NELL1: variants seen among roughly 807,000 people sequenced by gnomAD.
NELL1 encodes the protein protein kinase C-binding protein NELL1.
A neutral mutation model predicts 107.4 loss-of-function variants in NELL1; 76 were observed. The ratio of observed to expected loss-of-function variants is 0.71; its 90% confidence interval spans 0.59 to 0.86. The LOEUF (loss-of-function observed/expected upper bound fraction) is 0.86, where lower values mean the gene tolerates loss of function less well. Among genes scored for constraint, NELL1 ranks in the 40% least tolerant of loss-of-function variants. The pLI is 0.00. For missense variants in NELL1, 1,024 were observed against 1,005.5 expected, an observed-to-expected ratio of 1.02 and a Z score of -0.25; for synonymous variants, 353 against 341.2, an observed-to-expected ratio of 1.03 and a Z score of -0.38.
intron 13 of NELL1, among the ~76,000 whole-genome samples, chr11:21,121,191 G>A (rs904860359): frequency 6.6e-6 from 1 of 152,148 alleles, no homozygotes; most frequent in Non-Finnish European, 1.5e-5. Context: ...GGAGTATGGA[G>A]AGAATATCAG....
intron 13 of NELL1, among the ~76,000 whole-genome samples, chr11:21,165,392 C>A (rs1050706087): frequency 2.0e-5 from 3 of 152,182 alleles, no homozygotes; most frequent in Non-Finnish European, 2.9e-5. Context: ...TAGGATCCAA[C>A]CTTCTGAATC....
chr11:20,843,457 A>G (rs1304128924), intron 3 of NELL1, among the ~76,000 whole-genome samples: 2 of 121,118 alleles, frequency 1.7e-5, no homozygotes, highest in African/African-American at 5.2e-5. Flanking sequence ...GCTGGATGCT[A>G]TCTAAAATTA....
intron 15 of NELL1, among the ~76,000 whole-genome samples, chr11:21,404,850 C>T (rs1278440109): frequency 6.6e-6 from 1 of 151,946 alleles, no homozygotes; most frequent in Non-Finnish European, 1.5e-5. Flanking sequence ...GGGGGCTTTC[C>T]TCAGTGGTCC....
At chr11:21,392,105 A>G (rs1426132677) in intron 15 of NELL1, among the ~76,000 whole-genome samples, 3 of 151,794 alleles carry the variant, frequency 2.0e-5, no homozygotes, top group African/African-American at 7.2e-5. Flanking sequence ...TTTAATTAAT[A>G]CCCCTGTCTC....
chr11:20,934,196 G>T (rs1850676225), intron 9 of NELL1, among the ~76,000 whole-genome samples: 1 of 152,192 alleles, frequency 6.6e-6, no homozygotes, highest in African/African-American at 2.4e-5. Flanking sequence ...AAGGAGGGCT[G>T]TTGTCAGAGA....
At chr11:20,951,405 A>T (rs1851066202) in intron 11 of NELL1, among the ~76,000 whole-genome samples, 1 of 152,020 alleles carries the variant, frequency 6.6e-6, no homozygotes, top group African/African-American at 2.4e-5. Context: ...ACATCTTTAC[A>T]TTTGATTTTT....
chr11:21,046,104 C>A (rs1385842692), intron 12 of NELL1, among the ~76,000 whole-genome samples: 1 of 152,082 alleles, frequency 6.6e-6, no homozygotes, highest in Non-Finnish European at 1.5e-5. Flanking sequence ...CATTTTAATT[C>A]ATTCTCTAAG....
At chr11:20,840,571 C>T (rs1327338181) in intron 3 of NELL1, among the ~76,000 whole-genome samples, 1 of 152,212 alleles carries the variant, frequency 6.6e-6, no homozygotes, top group Non-Finnish European at 1.5e-5. Flanking sequence ...CTACATGCCA[C>T]CTCCCCAGTA....
At chr11:20,679,913 T>C (rs941237932) in intron 2 of NELL1, among the ~76,000 whole-genome samples, 3 of 152,228 alleles carry the variant, frequency 2.0e-5, no homozygotes, top group Admixed American at 2.0e-4. Context: ...TAGTTACTAC[T>C]ATTCATTCCA....
At chr11:20,906,068 C>A (rs1363149073) in intron 5 of NELL1, among the ~76,000 whole-genome samples, 1 of 152,100 alleles carries the variant, frequency 6.6e-6, no homozygotes, top group South Asian at 2.1e-4. Context: ...ACAAGGACTT[C>A]TTCATGAGAT....
intron 2 of NELL1, among the ~76,000 whole-genome samples, chr11:20,782,117 T>C (rs1001119441): frequency 6.6e-6 from 1 of 152,096 alleles, no homozygotes; most frequent in Non-Finnish European, 1.5e-5. Flanking sequence ...TACAGAGTGA[T>C]TTGCTCACAC....
chr11:20,769,589 T>C (rs751445987), intron 2 of NELL1: 4 of 152,304 alleles, frequency 2.6e-5, no homozygotes, highest in Non-Finnish European at 4.4e-5. Flanking sequence ...CATCTTTGAA[T>C]GGGTGAGTGA....
At chr11:20,787,452 A>G (rs566522138) in intron 3 of NELL1, among the ~76,000 whole-genome samples, 42 of 152,370 alleles carry the variant, frequency 2.8e-4, no homozygotes, top group Admixed American at 1.7e-3. Context: ...TTTATTATTT[A>G]CCAGGATAAA....
At position 21,229,438 on chromosome 11, in the gene NELL1, C is replaced by T. The variant is rs775236513; in HGVS notation, c.1533C>T (p.Asn511=). ...SCTCKPGYVG[N]GTICRAFCEE... ...CCTGCAAACCGGGCTACGTGGGGAACGGGACCATCTGCAGAGGTAGGCTTG... is the reference window on the plus strand; with the variant it reads ...CCTGCAAACCGGGCTACGTGGGGAATGGGACCATCTGCAGAGGTAGGCTTG... The change falls in exon 14 of 20, where the codon AAC becomes AAT. Residue 511 remains asparagine (N), a synonymous_variant. Transcript: ENST00000357134. The T allele has an allele frequency of 4.8e-5, 78 of 1,613,782 alleles. No individual in the cohort carries two copies. In the East Asian group the frequency reaches 5.1e-4, roughly 11 times the overall value.
intron 14 of NELL1, among the ~76,000 whole-genome samples, chr11:21,291,069 C>T (rs1318083324): frequency 6.6e-6 from 1 of 152,040 alleles, no homozygotes; most frequent in East Asian, 1.9e-4. Context: ...TGTTCTAACC[C>T]AAAGCAAGGA....
chr11:20,910,598 T>G (rs547045604), intron 5 of NELL1, among the ~76,000 whole-genome samples: 7 of 152,328 alleles, frequency 4.6e-5, no homozygotes, highest in Middle Eastern at 3.4e-3. Flanking sequence ...GCCCTGCTGT[T>G]GCCCTCTTCA....
intron 14 of NELL1, among the ~76,000 whole-genome samples, chr11:21,290,388 A>AAATAGAT (rs1316194017): frequency 3.7e-5 from 4 of 107,326 alleles, no homozygotes. Flanking sequence ...ATAAATAAAT[A>AAATAGAT]AAATAAATAG....
intron 15 of NELL1, among the ~76,000 whole-genome samples, chr11:21,461,248 T>C (rs1016738836): frequency 1.3e-5 from 2 of 152,112 alleles, no homozygotes; most frequent in African/African-American, 4.8e-5. Flanking sequence ...GAATGAGGAC[T>C]GGGTAGAGGC....
At chr11:21,131,956 A>T (rs1223938314) in intron 13 of NELL1, among the ~76,000 whole-genome samples, 2 of 152,252 alleles carry the variant, frequency 1.3e-5, no homozygotes, top group Middle Eastern at 3.4e-3. Flanking sequence ...CTGAGGGAAA[A>T]CTGGAGACAC....
Sources: allele counts gnomAD v4.1 joint callset (sites outside exome capture counted in the v4.1 genomes callset), GRCh38; gene constraint gnomAD v4.1.1; transcripts MANE v1.5; gene names NCBI Gene and HGNC (gene_info 2026-07-23, HGNC 2026-07-21).